Variants in TMOD3 observed in about 807,000 individuals in gnomAD.
TMOD3 encodes the protein tropomodulin-3.
A neutral mutation model predicts 39.2 loss-of-function variants in TMOD3; 20 were observed. The observed-to-expected ratio is 0.51, with a 90% CI of 0.36 to 0.74. The LOEUF is 0.74. TMOD3 is among the 30% of genes least tolerant of loss of function. The pLI is 0.00. For missense variants in TMOD3, 381 were observed against 412.8 expected (o/e 0.92, Z 0.67); for synonymous variants, 143 against 145.8 (o/e 0.98, Z 0.14).
chr15:51,887,702 G>A lies in TMOD3; in HGVS notation c.397G>A (p.Asp133Asn), dbSNP rs2056572137. 3 of 1,613,348 alleles carry A rather than the reference G, an allele frequency of 1.9e-6. No homozygotes were observed. The South Asian group carries it at 3.3e-5, about 18-fold the overall frequency. The change falls in exon 4 of 10, where the codon GAC (aspartate) becomes AAC (asparagine). Residue 133 changes from aspartate to asparagine, a missense_variant. Coordinates refer to ENST00000308580, the MANE Select transcript of TMOD3 (RefSeq NM_014547.5). ...LTSASDTELC[D>N]LAAILGMHNL... Reference sequence around the variant, plus strand: ...AAGTGCTTCTGATACAGAATTGTGTGACCTCGCAGGTATCACCTAAAACAA... The same window carrying A: ...AAGTGCTTCTGATACAGAATTGTGTAACCTCGCAGGTATCACCTAAAACAA...
rs944742651 is a variant in TMOD3 at position 51,913,910 on chromosome 15, G to T, written c.*5100G>T. On this transcript the variant is annotated 3_prime_UTR_variant, in exon 10 of 10. Transcript: ENST00000308580. ...TGCCTGTAGTCCCATCTACTCGGAA[G>T]ACTGAGGCAGCAGAACCGCTTGAGC... 6.6e-6 allele frequency: 1 copy of T among 150,802 alleles called. No individual in the cohort carries two copies. Among genetic ancestry groups the T allele is most frequent in the Non-Finnish European group, 1.5e-5 (1 of 67,960 alleles). The allele number at this position is 150,802 out of a possible 1,614,324, so 9.3% of individuals were successfully genotyped here. A position where few individuals can be genotyped will look rare whatever the true frequency, so the allele number is the denominator to read the frequency against.
In TMOD3 at chr15:51,830,956, A is replaced by G. The variant is rs1020667360; in HGVS notation, c.-75+1120A>G. ...GAACAAAACGAATTAAAATGTCCCA[A>G]TATATTTTAATTCTTTGAGCTTTCT... On this transcript the variant is annotated intron_variant, in intron 1 of 9. Coordinates refer to ENST00000308580, the MANE Select transcript of TMOD3 (RefSeq NM_014547.5). 3.9e-5 allele frequency among the ~76,000 whole-genome samples: 6 copies of G among 152,190 alleles called. No individual in the cohort carries two copies. In the South Asian group the frequency reaches 8.3e-4, roughly 21 times the overall value.
chr15:51,865,779 A>C (rs2056442274), intron 2 of TMOD3, among the ~76,000 whole-genome samples: 1 of 152,160 alleles, frequency 6.6e-6, no homozygotes, highest in Non-Finnish European at 1.5e-5. Flanking sequence ...TAACTTACAA[A>C]GTCTCAGGAA....
At chr15:51,898,648 G>A (rs1226629716) in intron 7 of TMOD3, among the ~76,000 whole-genome samples, 1 of 152,228 alleles carries the variant, frequency 6.6e-6, no homozygotes, top group East Asian at 1.9e-4. Flanking sequence ...GGACAAGTAT[G>A]TAGATACCAG....
intron 1 of TMOD3, among the ~76,000 whole-genome samples, chr15:51,844,238 A>G (rs1365534795): frequency 6.6e-6 from 1 of 152,132 alleles, no homozygotes; most frequent in Non-Finnish European, 1.5e-5. Context: ...ATTCTCAAGC[A>G]CTTATTTTTA....
At chr15:51,905,533 G>C (rs2056674154) in intron 9 of TMOD3, among the ~76,000 whole-genome samples, 1 of 151,888 alleles carries the variant, frequency 6.6e-6, no homozygotes, top group Non-Finnish European at 1.5e-5. Flanking sequence ...AGTGTTGGTA[G>C]AATACACTGA....
intron 3 of TMOD3, among the ~76,000 whole-genome samples, chr15:51,877,518 A>C (rs951732806): frequency 6.6e-6 from 1 of 152,094 alleles, no homozygotes; most frequent in Non-Finnish European, 1.5e-5. Context: ...TCTCTACTAA[A>C]AATACAAAAA....
At chr15:51,892,379 CCA>C (rs2056598044) in intron 5 of TMOD3, 1 of 152,166 alleles carries the variant, frequency 6.6e-6, no homozygotes, top group Admixed American at 6.5e-5. Context: ...TCGTAGACCT[CCA>C]CACACATGCA....
At chr15:51,838,175 T>C (rs1041392287) in intron 1 of TMOD3, among the ~76,000 whole-genome samples, 1 of 152,162 alleles carries the variant, frequency 6.6e-6, no homozygotes, top group Non-Finnish European at 1.5e-5. Context: ...TTTTTCAGCC[T>C]GTGCTTTGAT....
At chr15:51,870,854 G>T (rs2570256) in intron 3 of TMOD3, among the ~76,000 whole-genome samples, 7,430 of 152,216 alleles carry the variant, frequency 0.049, 420 homozygotes, top group African/African-American at 0.12. Context: ...AAATCTAGCA[G>T]CCTGGAGACC....
intron 1 of TMOD3, among the ~76,000 whole-genome samples, chr15:51,855,174 C>T (rs187074317): frequency 4.1e-4 from 63 of 152,366 alleles, no homozygotes; most frequent in African/African-American, 1.4e-3. Flanking sequence ...ACAGAATACA[C>T]TCTGCCACAC....
intron 1 of TMOD3, among the ~76,000 whole-genome samples, chr15:51,854,493 G>A (rs1271026068): frequency 6.6e-6 from 1 of 152,152 alleles, no homozygotes; most frequent in Admixed American, 6.5e-5. Flanking sequence ...TGGTGAAATG[G>A]AGGTTAACAA....
intron 1 of TMOD3, among the ~76,000 whole-genome samples, chr15:51,855,378 C>T (rs1243745646): frequency 6.6e-6 from 1 of 152,150 alleles, no homozygotes; most frequent in African/African-American, 2.4e-5. Context: ...AGCAAGCCCA[C>T]CAGGAGATTA....
intron 3 of TMOD3, among the ~76,000 whole-genome samples, chr15:51,870,591 C>T (rs1230114143): frequency 1.3e-5 from 2 of 152,190 alleles, no homozygotes; most frequent in Non-Finnish European, 2.9e-5. Context: ...CATTTTAGCA[C>T]TCCAGCTTCT....
intron 1 of TMOD3, among the ~76,000 whole-genome samples, chr15:51,842,336 A>G (rs62016190): frequency 2.6e-5 from 4 of 152,144 alleles, no homozygotes; most frequent in East Asian, 1.9e-4. Context: ...TTAAAAAACA[A>G]TTTTATCAAG....
At chr15:51,906,333 T>C (rs1291223180) in intron 9 of TMOD3, among the ~76,000 whole-genome samples, 1 of 152,254 alleles carries the variant, frequency 6.6e-6, no homozygotes, top group South Asian at 2.1e-4. Context: ...CAGAATCTCC[T>C]GGGCATATAG....
chr15:51,857,041 A>G (rs1431578756), intron 1 of TMOD3, among the ~76,000 whole-genome samples: 2 of 152,218 alleles, frequency 1.3e-5, no homozygotes, highest in Non-Finnish European at 2.9e-5. Flanking sequence ...ATACGATAGA[A>G]TAGTATATAG....
At chr15:51,865,627 G>T (rs1406063814) in intron 2 of TMOD3, among the ~76,000 whole-genome samples, 1 of 152,160 alleles carries the variant, frequency 6.6e-6, no homozygotes, top group Admixed American at 6.5e-5. Context: ...AATACTGTTA[G>T]TTGAGGCTAG....
chr15:51,908,670 G>A (rs1394610227), intron 9 of TMOD3, 106 bp from the exon 10 acceptor site: 19 of 519,944 alleles, frequency 3.7e-5, no homozygotes, highest in African/African-American at 8.3e-5. Context: ...TTTCAATTTT[G>A]TAAAACTTAT....
Sources: gnomAD v4.1 joint callset for allele counts (sites outside exome capture counted in the v4.1 genomes callset) on GRCh38, gnomAD v4.1.1 for gene constraint, MANE v1.5 for transcripts, NCBI Gene and HGNC (gene_info 2026-07-23, HGNC 2026-07-21) for gene names.